GABRA2: variants seen among roughly 807,000 people sequenced by gnomAD.
GABRA2 encodes the protein gamma-aminobutyric acid type A receptor subunit alpha2.
In GABRA2, 16 loss-of-function variants were observed where a neutral mutation model predicts 48.7. That is an observed-to-expected ratio of 0.33 (90% CI 0.22 to 0.50). The LOEUF (loss-of-function observed/expected upper bound fraction) is 0.50. Among genes scored for constraint, GABRA2 ranks in the 20% least tolerant of loss-of-function variants. The probability of loss-of-function intolerance (pLI) is 0.98; values close to 1 mark genes in which losing one functional copy is unlikely to be tolerated. For synonymous variants in GABRA2, 185 were observed against 184.5 expected, an observed-to-expected ratio of 1.00 and a Z score of -0.02; for missense variants, 275 against 535.6, an observed-to-expected ratio of 0.51 and a Z score of 4.80.
chr4:46,362,272 C>G (rs889254657), intron 3 of GABRA2, among the ~76,000 whole-genome samples: 1 of 152,134 alleles, frequency 6.6e-6, no homozygotes, highest in Non-Finnish European at 1.5e-5. Context: ...CTCATGAGAT[C>G]TGATGATTTT....
intron 3 of GABRA2, among the ~76,000 whole-genome samples, chr4:46,370,593 C>A (rs940002921): frequency 6.6e-6 from 1 of 152,042 alleles, no homozygotes; most frequent in Non-Finnish European, 1.5e-5. Context: ...GCATTCATTA[C>A]TATCTTACTT....
chr4:46,367,478 A>C (rs915605252), intron 3 of GABRA2: 1 of 152,066 alleles, frequency 6.6e-6, no homozygotes, highest in African/African-American at 2.4e-5. Context: ...TCAGACTAAC[A>C]CTTCAAAGAG....
At chr4:46,350,441 A>T (rs893693708) in intron 3 of GABRA2, among the ~76,000 whole-genome samples, 7 of 151,904 alleles carry the variant, frequency 4.6e-5, no homozygotes, top group African/African-American at 1.7e-4. Flanking sequence ...TATGATATAT[A>T]TGTAGGTATA....
chr4:46,285,916 G>A (rs1722465018), intron 8 of GABRA2, among the ~76,000 whole-genome samples: 1 of 152,024 alleles, frequency 6.6e-6, no homozygotes, highest in Admixed American at 6.5e-5. Flanking sequence ...TATAAATTCA[G>A]TGCTATATTT....
At chr4:46,292,359 A>G (rs529352572) in intron 8 of GABRA2, among the ~76,000 whole-genome samples, 1 of 152,056 alleles carries the variant, frequency 6.6e-6, no homozygotes, top group South Asian at 2.1e-4. Flanking sequence ...CAAGTGGCTG[A>G]CCTGCAACGA....
chr4:46,385,564 A>G (rs915892516), intron 3 of GABRA2, among the ~76,000 whole-genome samples: 2 of 152,114 alleles, frequency 1.3e-5, no homozygotes, highest in African/African-American at 4.8e-5. Context: ...CAAGAATAAC[A>G]AAGTTGTGCT....
intron 9 of GABRA2, among the ~76,000 whole-genome samples, chr4:46,253,033 A>G (rs1715110114): frequency 6.6e-6 from 1 of 151,502 alleles, no homozygotes; most frequent in Non-Finnish European, 1.5e-5. Flanking sequence ...AATATAATTT[A>G]TTATGTGTTA....
At chr4:46,281,084 G>A (rs1025288434) in intron 8 of GABRA2, among the ~76,000 whole-genome samples, 1 of 152,172 alleles carries the variant, frequency 6.6e-6, no homozygotes, top group African/African-American at 2.4e-5. Flanking sequence ...GGCTAAGACA[G>A]ACATGCAGTA....
intron 3 of GABRA2, among the ~76,000 whole-genome samples, chr4:46,342,838 T>C (rs1733508962): frequency 6.6e-6 from 1 of 151,948 alleles, no homozygotes; most frequent in Non-Finnish European, 1.5e-5. Context: ...ATTTATTTAT[T>C]TTATTTTAGA....
intron 3 of GABRA2, among the ~76,000 whole-genome samples, chr4:46,379,176 G>A (rs1052781934): frequency 1.4e-4 from 22 of 152,156 alleles, no homozygotes; most frequent in Non-Finnish European, 8.8e-5. Flanking sequence ...ATTAAAAAGC[G>A]TCACAAAAAG....
chr4:46,327,530 G>A (rs927962559), intron 4 of GABRA2, among the ~76,000 whole-genome samples: 1 of 151,872 alleles, frequency 6.6e-6, no homozygotes, highest in African/African-American at 2.4e-5. Context: ...GATACAAAGG[G>A]TTTGCCATGT....
intron 3 of GABRA2, among the ~76,000 whole-genome samples, chr4:46,353,541 T>G (rs1735487693): frequency 6.6e-6 from 1 of 152,148 alleles, no homozygotes; most frequent in South Asian, 2.1e-4. Flanking sequence ...CTGTTACACA[T>G]CTGACTTCAT....
chr4:46,286,999 A>C (rs986049807), intron 8 of GABRA2, among the ~76,000 whole-genome samples: 7 of 152,258 alleles, frequency 4.6e-5, no homozygotes, highest in African/African-American at 1.7e-4. Context: ...TTGGTGTTAG[A>C]TCTAAGAATT....
chr4:46,293,677 G>A (rs1724097864), intron 8 of GABRA2, among the ~76,000 whole-genome samples: 1 of 152,182 alleles, frequency 6.6e-6, no homozygotes, highest in African/African-American at 2.4e-5. Context: ...CTGGTAGGGT[G>A]AACACTATTA....
intron 8 of GABRA2, among the ~76,000 whole-genome samples, chr4:46,289,490 C>G (rs1025360409): frequency 1.3e-4 from 20 of 152,052 alleles, no homozygotes; most frequent in African/African-American, 4.8e-4. Flanking sequence ...TAAGTGGTAG[C>G]TAAATGATGA....
chr4:46,281,530 C>A (rs1721532318), intron 8 of GABRA2, among the ~76,000 whole-genome samples: 1 of 152,126 alleles, frequency 6.6e-6, no homozygotes, highest in Non-Finnish European at 1.5e-5. Context: ...TAAATTATCT[C>A]CAAGACATTG....
chr4:46,250,251 G>T lies in GABRA2; in HGVS notation c.*57C>A. On this transcript the variant is annotated 3_prime_UTR_variant, in exon 10 of 10. Transcript: ENST00000381620. The stretch of plus-strand genomic sequence containing the variant: ...GCAGTTATTAGTCAGACTGTACATA[G>T]CAAAACAAACCAAATTTAATGTTGC... The T allele has an allele frequency of 6.8e-7, 1 of 1,468,376 alleles. No individual in the cohort carries two copies. The highest frequency in any genetic ancestry group is 9.3e-7 in the Non-Finnish European group (1 of 1,070,058). 91.0% of individuals were successfully genotyped at this position (1,468,376 alleles called of 1,614,324 possible). A position where few individuals can be genotyped will look rare whatever the true frequency, so the allele number is the denominator to read the frequency against.
intron 3 of GABRA2, among the ~76,000 whole-genome samples, chr4:46,348,014 C>A (rs921211728): frequency 1.3e-5 from 2 of 152,018 alleles, no homozygotes; most frequent in Non-Finnish European, 2.9e-5. Flanking sequence ...AAAATTTTCA[C>A]AACCTACCCA....
chr4:46,314,674 T>C (rs1340525676), intron 4 of GABRA2, among the ~76,000 whole-genome samples: 1 of 152,018 alleles, frequency 6.6e-6, no homozygotes. Context: ...TCTATCGCTG[T>C]CATCTTTATG....
Sources: gnomAD v4.1 joint callset for allele counts (sites outside exome capture counted in the v4.1 genomes callset) on GRCh38, gnomAD v4.1.1 for gene constraint, MANE v1.5 for transcripts, NCBI Gene and HGNC (gene_info 2026-07-23, HGNC 2026-07-21) for gene names.